Variants in PRPF8 observed in about 807,000 individuals in gnomAD.
The protein encoded by PRPF8 is pre-mRNA processing factor 8, also known as pre-mRNA-processing-splicing factor 8.
A neutral mutation model predicts 285.9 loss-of-function variants in PRPF8; 64 were observed. The ratio of observed to expected loss-of-function variants is 0.22; its 90% CI spans 0.18 to 0.28. The LOEUF is 0.28. PRPF8 is among the 10% of genes least tolerant of loss of function. The pLI is 1.00. For missense variants in PRPF8, 1,426 were observed against 3,026.7 expected (o/e 0.47, Z 12.41); for synonymous variants, 1,325 against 1,118.2 (o/e 1.18, Z -3.69).
At chr17:1,650,978 C>A (rs763256636) in intron 42 of PRPF8, 22 bp from the exon 43 acceptor site, 11 of 1,614,050 alleles carry the variant, frequency 6.8e-6, no homozygotes, top group African/African-American at 1.3e-5. Flanking sequence ...AGGAAACAGC[C>A]AATGTTAACA....
Position 1,651,983 on chromosome 17 carries a change from C to T in PRPF8, c.6370-195G>A. The T allele has an allele frequency of 7.1e-6, 5 of 699,518 alleles. No individual in the cohort carries two copies. The highest frequency in any genetic ancestry group is 7.0e-5 in the African/African-American group (4 of 56,860). The allele number at this position is 699,518 out of a possible 1,614,324, so 43.3% of individuals were successfully genotyped here. The stretch of plus-strand genomic sequence containing the variant: ...CATGGACCTCATCGCGGACTTACCA[C>T]ATCAGAATCTCCTGAGTGGGGTCCA... On this transcript the variant is annotated intron_variant, in intron 39 of 42. Transcript: ENST00000304992. The surrounding 1 kb of genome is among the most constrained non-coding windows in gnomAD (Gnocchi z 5.1).
intron 3 of PRPF8, 173 bp downstream of exon 3, chr17:1,683,360 G>A (rs539645887): frequency 9.4e-6 from 7 of 746,108 alleles, no homozygotes; most frequent in South Asian, 7.8e-5. Flanking sequence ...GGAAGAGAGG[G>A]GAAACAGACT....
intron 1 of PRPF8, 68 bp from the exon 2 acceptor site, chr17:1,684,650 G>C (rs905302283): frequency 1.4e-6 from 2 of 1,444,812 alleles, no homozygotes; most frequent in Non-Finnish European, 1.9e-6. Flanking sequence ...GCAGCAGAAA[G>C]GCGTCCGGGG....
At position 1,677,804 on chromosome 17, in the gene PRPF8, T is replaced by C. The variant is rs181222577; in HGVS notation, c.1855-110A>G. On this transcript the variant is annotated intron_variant, in intron 13 of 42. Coordinates refer to ENST00000304992, the MANE Select transcript of PRPF8 (RefSeq NM_006445.4). ...TGTATAATATACATACAGAGGAATG[T>C]AGGTATGGCAGTAGAGGGGTAAAAA... is the stretch of plus-strand genomic sequence containing the variant. 6.6e-4 allele frequency: 947 copies of C among 1,426,734 alleles called. 5 individuals carry two copies. In the Middle Eastern group the frequency reaches 9.0e-3, roughly 14 times the overall value. The allele number at this position is 1,426,734 out of a possible 1,614,324, so 88.4% of individuals were successfully genotyped here. A position where few individuals can be genotyped will look rare whatever the true frequency, so the allele number is the denominator to read the frequency against.
Position 1,653,617 on chromosome 17 carries a change from C to T in PRPF8, c.6294G>A (p.Lys2098=), listed in dbSNP as rs11559309. ...GAAGGATGTAGGTGTAGCCAGTCTC[C>T]TTGATGTCGTCAGATGAAACATAGA... The part of the protein sequence containing the change: ...NHIYVSSDDI[K]ETGYTYILPK... Residue 2098 remains lysine (K), a synonymous_variant, in exon 39 of 43, where the codon AAG becomes AAA. Transcript: ENST00000304992. This position sits in a 1 kb window ranked among gnomAD's most constrained non-coding sequence, Gnocchi z 4.9. The T allele has an allele frequency of 0.034, 55,329 of 1,614,154 alleles. 1,076 individuals are homozygous for T. Among genetic ancestry groups the T allele is most frequent in the Middle Eastern group, 0.042 (252 of 6,062 alleles).
Position 1,681,591 on chromosome 17 carries a change from A to G in PRPF8, c.753T>C (p.Asp251=). The G allele has an allele frequency of 6.2e-7, 1 of 1,613,996 alleles. No homozygotes were observed. Among genetic ancestry groups the G allele is most frequent in the Non-Finnish European group, 8.5e-7 (1 of 1,179,852 alleles). Residue 251 remains aspartate, a synonymous_variant, in exon 6 of 43, where the codon GAT becomes GAC. Transcript: ENST00000304992. ...LANQLLTDLV[D]DNYFYLFDLK... is the part of the protein sequence containing the mutation. ...AATCAAACAGGTAGAAGTAGTTGTC[A>G]TCCACCAAGTCTGTCAGGAGCTGAT...
intron 2 of PRPF8, 39 bp from the exon 3 acceptor site, chr17:1,683,740 C>T (rs1913066953): frequency 1.9e-6 from 3 of 1,611,424 alleles, no homozygotes; most frequent in Non-Finnish European, 1.7e-6. Flanking sequence ...GCACACCCTC[C>T]CCCTAATCCT....
chr17:1,658,482 C>T lies in PRPF8; in HGVS notation c.5376+44G>A, dbSNP rs1911510885. 1 of 1,612,822 alleles carries T rather than the reference C, an allele frequency of 6.2e-7. No homozygotes were observed. Among genetic ancestry groups the T allele is most frequent in the Non-Finnish European group, 8.5e-7 (1 of 1,178,814 alleles). ...CACTTAGCCCATTACTCTCCCACAG[C>T]CATGTACAGAGTCCCGCACCTATAC... On this transcript the variant is annotated intron_variant, in intron 33 of 42. Transcript: ENST00000304992. The surrounding 1 kb of genome is among the most constrained non-coding windows in gnomAD (Gnocchi z 4.1).
rs551070373 is a variant in PRPF8 at position 1,651,506 on chromosome 17, C to T, written c.6558G>A (p.Pro2186=). 27 of 1,614,102 alleles carry T rather than the reference C, an allele frequency of 1.7e-5. No homozygotes were observed. The East Asian group carries it at 2.0e-4, about 12-fold the overall frequency. The part of the protein sequence containing the change: ...GWIHTQPNES[P]QLSPQDVTTH... ...TGGTGACATCCTGGGGTGATAACTG[C>T]GGGGACTCATTGGGCTGAGTGTGGA... The change falls in exon 41 of 43, where the codon CCG becomes CCA. Residue 2186 remains proline, a synonymous_variant. Coordinates refer to ENST00000304992, the MANE Select transcript of PRPF8 (RefSeq NM_006445.4). This position sits in a 1 kb window ranked among gnomAD's most constrained non-coding sequence, Gnocchi z 5.1.
At chr17:1,668,087 G>A (rs565754196) in intron 24 of PRPF8, among the ~76,000 whole-genome samples, 2 of 152,348 alleles carry the variant, frequency 1.3e-5, no homozygotes, top group East Asian at 3.9e-4. Flanking sequence ...TTACAGATGA[G>A]GGAATTGAGG....
chr17:1,661,069 G>C lies in PRPF8; in HGVS notation c.4432C>G (p.Leu1478Val). The C allele has an allele frequency of 6.2e-7, 1 of 1,614,192 alleles. No individual in the cohort carries two copies. The highest frequency in any genetic ancestry group is 8.5e-7 in the Non-Finnish European group (1 of 1,180,034). Residue 1478 changes from leucine to valine, a missense_variant, in exon 28 of 43, where the codon CTG (leucine) becomes GTG (valine). Around this residue, in one of 34 missense-constraint regions of PRPF8, gnomAD observed 23 missense variants for 43.6 expected, o/e 0.53. Transcript: ENST00000304992. This position sits in a 1 kb window ranked among gnomAD's most constrained non-coding sequence, Gnocchi z 7.3. The stretch of plus-strand genomic sequence containing the variant: ...TCCAGAATGCCTTCCACACCGCCCA[G>C]GGCCTGGATCATGTCTGTACGGTAG... ...NNYRTDMIQA[L>V]GGVEGILEHT...
At chr17:1,671,216 C>G (rs576558961) in intron 24 of PRPF8, among the ~76,000 whole-genome samples, 1 of 152,326 alleles carries the variant, frequency 6.6e-6, no homozygotes, top group Admixed American at 6.5e-5. Flanking sequence ...ATCCTTTCCT[C>G]TTCCACTTCC....
chr17:1,684,370 A>ACACCT, intron 2 of PRPF8, 102 bp downstream of exon 2: 1 of 1,123,912 alleles, frequency 8.9e-7, no homozygotes, highest in Non-Finnish European at 1.3e-6. Context: ...AAGGGAGCTG[A>ACACCT]CACCTCAGGA....
In PRPF8 at chr17:1,675,584, C is replaced by T; in HGVS notation, c.2872+36G>A. 1.9e-6 allele frequency: 3 copies of T among 1,613,224 alleles called. 1 individual carries two copies. The Middle Eastern group carries it at 5.0e-4, about 268-fold the overall frequency. On this transcript the variant is annotated intron_variant, in intron 19 of 42. Transcript: ENST00000304992. The surrounding 1 kb of genome is among the most constrained non-coding windows in gnomAD (Gnocchi z 6.0). Reference sequence around the variant, plus strand: ...TTTTGACGTAGAACTAAATTCCTGCCCCGTTCCTCACAGGGCGATCTCATG... The same window carrying T: ...TTTTGACGTAGAACTAAATTCCTGCTCCGTTCCTCACAGGGCGATCTCATG...
Position 1,660,838 on chromosome 17 carries a change from A to C in PRPF8, c.4509-11T>G, listed in dbSNP as rs944934406. On this transcript the variant is annotated splice_polypyrimidine_tract_variant and intron_variant, in intron 28 of 42. Transcript: ENST00000304992. ...CCACTGGCCTTCTCCCTGGGGAGCAAGAGAAGCAGGTGAGGTGATATCCTG... is the reference window on the plus strand; with the variant it reads ...CCACTGGCCTTCTCCCTGGGGAGCACGAGAAGCAGGTGAGGTGATATCCTG... The C allele has an allele frequency of 6.2e-7, 1 of 1,613,702 alleles. No homozygotes were observed. The highest frequency in any genetic ancestry group is 1.3e-5 in the African/African-American group (1 of 74,942).
chr17:1,677,490 G>A (rs1188799411), intron 14 of PRPF8, 75 bp downstream of exon 14: 1 of 1,604,502 alleles, frequency 6.2e-7, no homozygotes, highest in Non-Finnish European at 8.5e-7. Context: ...TACAAGAGCA[G>A]GGAACAGACT....
intron 21 of PRPF8, 105 bp downstream of exon 21, chr17:1,674,337 A>G: frequency 8.3e-7 from 1 of 1,201,878 alleles, no homozygotes; most frequent in Non-Finnish European, 1.2e-6. Flanking sequence ...ATTCCATTTT[A>G]AAGCCCCAAC....
At position 1,661,209 on chromosome 17, in the gene PRPF8, C is replaced by G; in HGVS notation, c.4339-47G>C. 6.2e-7 allele frequency: 1 copy of G among 1,614,098 alleles called. No individual in the cohort carries two copies. Among genetic ancestry groups the G allele is most frequent in the Non-Finnish European group, 8.5e-7 (1 of 1,180,026 alleles). On this transcript the variant is annotated intron_variant, in intron 27 of 42. Transcript: ENST00000304992. The surrounding 1 kb of genome is among the most constrained non-coding windows in gnomAD (Gnocchi z 7.3). ...GTCAAGCTTCTGGGTGCCTATTGCCCCAAGTTTCGGGGATAGCCATGGATT... is the reference window on the plus strand; with the variant it reads ...GTCAAGCTTCTGGGTGCCTATTGCCGCAAGTTTCGGGGATAGCCATGGATT...
At chr17:1,655,308 G>C in intron 37 of PRPF8, 42 bp downstream of exon 37, 13 of 1,608,252 alleles carry the variant, frequency 8.1e-6, no homozygotes, top group Non-Finnish European at 1.1e-5. Flanking sequence ...CCAGAAAACC[G>C]TATATAGACC....
Sources: allele counts gnomAD v4.1 joint callset (sites outside exome capture counted in the v4.1 genomes callset), GRCh38; gene constraint gnomAD v4.1.1; regional missense constraint gnomAD v4.1.1; non-coding constraint Gnocchi (gnomAD v3.1); transcripts MANE v1.5; gene names NCBI Gene and HGNC (gene_info 2026-07-23, HGNC 2026-07-21).